Variants in BDKRB2 observed in about 807,000 individuals in gnomAD.
BDKRB2 encodes the protein bradykinin receptor B2, also known as B2 bradykinin receptor.
Under a neutral mutation model 4.0 loss-of-function variants are expected in BDKRB2, and 6 were observed. That is an observed-to-expected ratio of 1.49 (90% CI 0.81 to 2.93). The LOEUF is 2.93. Among genes scored for constraint, BDKRB2 ranks in the 30% most tolerant of loss-of-function variants. The pLI, the probability that BDKRB2 is intolerant of heterozygous loss-of-function variation, is 0.00. For synonymous variants in BDKRB2, 225 were observed against 215.3 expected (o/e 1.05, Z -0.40); for missense variants, 478 against 520.1 (o/e 0.92, Z 0.79).
chr14:96,222,025 C>A (rs879921079), intron 1 of BDKRB2, among the ~76,000 whole-genome samples: 6 of 152,110 alleles, frequency 3.9e-5, no homozygotes, highest in Non-Finnish European at 7.3e-5. Context: ...CAGAACCCAT[C>A]GCAAGTCTCA....
intron 1 of BDKRB2, among the ~76,000 whole-genome samples, chr14:96,225,592 C>T (rs1354844157): frequency 1.3e-5 from 2 of 152,076 alleles, no homozygotes; most frequent in African/African-American, 2.4e-5. Flanking sequence ...TAGTATAGGT[C>T]CCTTCAGCAC....
At chr14:96,207,714 A>T (rs1001627205) in intron 1 of BDKRB2, among the ~76,000 whole-genome samples, 1 of 152,028 alleles carries the variant, frequency 6.6e-6, no homozygotes, top group Non-Finnish European at 1.5e-5. Context: ...GGCACAGGGG[A>T]TATATGGTAA....
rs907932304 is a variant in BDKRB2 at position 96,237,962 on chromosome 14, A to G, written c.74+781A>G. 7.6e-6 allele frequency: 9 copies of G among 1,192,010 alleles called. No individual in the cohort carries two copies. In the African/African-American group the frequency reaches 1.4e-4, roughly 19 times the overall value. 73.8% of individuals were successfully genotyped at this position (1,192,010 alleles called of 1,614,324 possible). A position where few individuals can be genotyped will look rare whatever the true frequency, so the allele number is the denominator to read the frequency against. Reference sequence around the variant, plus strand: ...TGAAAGATGACAGACTCTCCAAGCCAGGGGTATGCAGGAAATGGGTTTTCT... The same window carrying G: ...TGAAAGATGACAGACTCTCCAAGCCGGGGGTATGCAGGAAATGGGTTTTCT... On this transcript the variant is annotated intron_variant, in intron 2 of 2. Transcript: ENST00000554311.
At chr14:96,219,399 A>G (rs1363175311) in intron 1 of BDKRB2, among the ~76,000 whole-genome samples, 1 of 151,990 alleles carries the variant, frequency 6.6e-6, no homozygotes, top group Non-Finnish European at 1.5e-5. Flanking sequence ...CCAGGGCTGC[A>G]CAGCTCACAG....
intron 1 of BDKRB2, among the ~76,000 whole-genome samples, chr14:96,212,152 G>A (rs1429384021): frequency 6.6e-6 from 1 of 152,102 alleles, no homozygotes; most frequent in Non-Finnish European, 1.5e-5. Context: ...GTTACCATGA[G>A]GATGCATATC....
chr14:96,240,955 C>T lies in BDKRB2; in HGVS notation c.627C>T (p.Thr209=), dbSNP rs201268118. 1.1e-5 allele frequency: 17 copies of T among 1,592,642 alleles called. No homozygotes were observed. Among genetic ancestry groups the T allele is most frequent in the Non-Finnish European group, 1.4e-5 (16 of 1,168,170 alleles). ...ACAGCGATGAGGGCCACAACGTCAC[C>T]GCTTGTGTCATCAGCTACCCATCCC... ...KEYSDEGHNV[T]ACVISYPSLI... is the part of the protein sequence containing the mutation. Residue 209 remains threonine (T), a synonymous_variant, in exon 3 of 3, where the codon ACC becomes ACT. Transcript: ENST00000554311.
At chr14:96,216,685 AG>A (rs1437451187) in intron 1 of BDKRB2, among the ~76,000 whole-genome samples, 5 of 127,076 alleles carry the variant, frequency 3.9e-5, no homozygotes, top group African/African-American at 1.5e-4. Context: ...AAGAAGGAGG[AG>A]GAGGAGGAAG....
chr14:96,217,827 G>A (rs545474508), intron 1 of BDKRB2, among the ~76,000 whole-genome samples: 4 of 151,338 alleles, frequency 2.6e-5, no homozygotes, highest in Admixed American at 1.3e-4. Flanking sequence ...ATCAGGCAGC[G>A]ATCCCTAAGT....
At chr14:96,221,625 C>T (rs1179427188) in intron 1 of BDKRB2, among the ~76,000 whole-genome samples, 1 of 152,022 alleles carries the variant, frequency 6.6e-6, no homozygotes, top group Non-Finnish European at 1.5e-5. Flanking sequence ...GAAAGGCTTC[C>T]TGGAGGAGGA....
intron 2 of BDKRB2, chr14:96,239,459 GC>G (rs1885209366): frequency 1.0e-6 from 1 of 985,276 alleles, no homozygotes; most frequent in African/African-American, 1.7e-5. Context: ...CTAGAAAGGT[GC>G]CTGCCCTATG....
intron 1 of BDKRB2, chr14:96,223,134 G>A (rs1251897967): frequency 3.1e-6 from 4 of 1,281,802 alleles, no homozygotes; most frequent in African/African-American, 1.5e-5. Context: ...TTCACTATTC[G>A]GACAGATACG....
At position 96,241,373 on chromosome 14, in the gene BDKRB2, G is replaced by A. The variant is rs141974118; in HGVS notation, c.1045G>A (p.Gly349Arg). ...FRKKSWEVYQ[G>R]VCQKGGCRSE... ...AAAGAAGTCTTGGGAGGTGTACCAG[G>A]GAGTGTGCCAGAAAGGGGGCTGCAG... Residue 349 changes from glycine to arginine, a missense_variant, in exon 3 of 3, where the codon GGA becomes AGA. Gly to Arg is a moderately radical substitution (Grantham distance 125). Transcript: ENST00000554311. 6.4e-5 allele frequency: 103 copies of A among 1,613,814 alleles called. No homozygotes were observed. The highest frequency in any genetic ancestry group is 6.0e-5 in the Non-Finnish European group (71 of 1,180,004).
At chr14:96,213,495 AAC>A (rs66460667) in intron 1 of BDKRB2, among the ~76,000 whole-genome samples, 10,023 of 146,640 alleles carry the variant, frequency 0.068, 354 homozygotes, top group South Asian at 0.091. Flanking sequence ...GACCGACCCA[AAC>A]ACACACACAC....
chr14:96,211,919 T>A (rs897782915), intron 1 of BDKRB2, among the ~76,000 whole-genome samples: 1 of 152,180 alleles, frequency 6.6e-6, no homozygotes, highest in Non-Finnish European at 1.5e-5. Context: ...GTCGACAGAT[T>A]GTTAAATGCA....
intron 1 of BDKRB2, among the ~76,000 whole-genome samples, chr14:96,210,217 A>G (rs1321488060): frequency 2.0e-5 from 3 of 152,228 alleles, no homozygotes; most frequent in Non-Finnish European, 4.4e-5. Flanking sequence ...ACTGTGAGCA[A>G]AATGTGAGGG....
intron 2 of BDKRB2, chr14:96,240,162 C>T (rs542922676): frequency 2.4e-6 from 3 of 1,244,676 alleles, no homozygotes; most frequent in Admixed American, 7.4e-5. Flanking sequence ...GGAAATATCC[C>T]AGTGGAGCCT....
intron 1 of BDKRB2, among the ~76,000 whole-genome samples, chr14:96,220,216 C>T (rs1890526096): frequency 6.6e-6 from 1 of 151,942 alleles, no homozygotes; most frequent in Admixed American, 6.6e-5. Flanking sequence ...CCCCACCCCT[C>T]CCCTGAGAGT....
chr14:96,239,317 C>A, intron 2 of BDKRB2: 1 of 978,710 alleles, frequency 1.0e-6, no homozygotes, highest in Non-Finnish European at 1.2e-6. Flanking sequence ...CAATACCCTA[C>A]TCCAAAGAAG....
At chr14:96,240,244 A>G in intron 2 of BDKRB2, 159 bp from the exon 3 acceptor site, 1 of 1,323,144 alleles carries the variant, frequency 7.6e-7, no homozygotes, top group East Asian at 2.7e-5. Context: ...CAGGGGAGTC[A>G]GGTGCACTGG....
Sources: allele counts gnomAD v4.1 joint callset (sites outside exome capture counted in the v4.1 genomes callset), GRCh38; gene constraint gnomAD v4.1.1; transcripts MANE v1.5; gene names NCBI Gene and HGNC (gene_info 2026-07-23, HGNC 2026-07-21).